TDG: variants seen among roughly 807,000 people sequenced by gnomAD.
The protein encoded by TDG is G/T mismatch-specific thymine DNA glycosylase.
A neutral mutation model predicts 46.1 loss-of-function variants in TDG; 23 were observed. The observed-to-expected ratio is 0.50, with a 90% CI of 0.36 to 0.71. The LOEUF is 0.71. TDG is among the 30% of genes least tolerant of loss of function. The pLI is 0.00. For missense variants in TDG, 304 were observed against 486.7 expected (o/e 0.62, Z 3.53); for synonymous variants, 115 against 161.3 (o/e 0.71, Z 2.18).
At chr12:103,973,337 G>T (rs185561430) in intron 1 of TDG, among the ~76,000 whole-genome samples, 1 of 152,210 alleles carries the variant, frequency 6.6e-6, no homozygotes, top group Non-Finnish European at 1.5e-5. Flanking sequence ...CGCCCGCCTT[G>T]ACCTCCCAAA....
intron 1 of TDG, among the ~76,000 whole-genome samples, chr12:103,968,739 G>A (rs931852557): frequency 2.6e-5 from 4 of 152,234 alleles, no homozygotes; most frequent in Admixed American, 6.5e-5. Context: ...AAATAAACAC[G>A]TGGGTTCCTG....
At chr12:103,979,109 C>CTTTTTTTTTTTTTTTTTTTT (rs372883902) in intron 2 of TDG, among the ~76,000 whole-genome samples, 2 of 123,604 alleles carry the variant, frequency 1.6e-5, no homozygotes, top group Admixed American at 9.5e-5. Context: ...TTTTTTCTTT[C>CTTTTTTTTTTTTTTTTTTTT]TTTTTTTTTT....
Position 103,983,157 on chromosome 12 carries a change from A to G in TDG, c.636A>G (p.Gly212=). The stretch of plus-strand genomic sequence containing the variant: ...TTAGTAAAGAATTTCGTGAAGGAGG[A>G]CGTATTCTAGTACAGAAATTACAGA... The part of the protein sequence containing the change: ...DLSSKEFREG[G]RILVQKLQKY... The change falls in exon 6 of 10, where the codon GGA becomes GGG. Residue 212 remains glycine, a synonymous_variant. Transcript: ENST00000392872. The G allele has an allele frequency of 6.2e-7, 1 of 1,607,024 alleles. No homozygotes were observed. Among genetic ancestry groups the G allele is most frequent in the Non-Finnish European group, 8.5e-7 (1 of 1,177,598 alleles).
At chr12:103,980,650 C>A (rs776670455) in intron 3 of TDG, 2 of 392,380 alleles carry the variant, frequency 5.1e-6, no homozygotes, top group Non-Finnish European at 9.1e-6. Context: ...GGCCTGGGAT[C>A]ATAAAGGAGT....
At chr12:103,966,132 C>A in intron 1 of TDG, 72 bp downstream of exon 1, 1 of 1,412,992 alleles carries the variant, frequency 7.1e-7, no homozygotes, top group Non-Finnish European at 9.3e-7. Context: ...CGCGCGCGCG[C>A]GCACGCAGGG....
At chr12:103,971,111 A>G (rs1038698583) in intron 1 of TDG, among the ~76,000 whole-genome samples, 4 of 152,230 alleles carry the variant, frequency 2.6e-5, no homozygotes, top group Non-Finnish European at 4.4e-5. Flanking sequence ...TTTTATATCA[A>G]GCGACTTGAG....
intron 1 of TDG, among the ~76,000 whole-genome samples, chr12:103,975,624 C>T (rs1397313822): frequency 6.6e-6 from 1 of 152,066 alleles, no homozygotes; most frequent in Non-Finnish European, 1.5e-5. Context: ...TAGCATTAAC[C>T]CACTCCTGAA....
At chr12:103,978,492 C>A (rs949629942) in intron 2 of TDG, among the ~76,000 whole-genome samples, 2 of 152,200 alleles carry the variant, frequency 1.3e-5, no homozygotes, top group South Asian at 4.1e-4. Flanking sequence ...AATAACTCTG[C>A]CTCCGCATTA....
intron 1 of TDG, among the ~76,000 whole-genome samples, chr12:103,970,788 T>C (rs1305674706): frequency 6.6e-6 from 1 of 151,956 alleles, no homozygotes; most frequent in Non-Finnish European, 1.5e-5. Flanking sequence ...ATAGCAAATC[T>C]GAATTAACTG....
At chr12:103,975,272 C>T (rs1271483592) in intron 1 of TDG, among the ~76,000 whole-genome samples, 1 of 152,158 alleles carries the variant, frequency 6.6e-6, no homozygotes, top group African/African-American at 2.4e-5. Flanking sequence ...AAATTTAAAT[C>T]GTGTTCAGAA....
intron 1 of TDG, among the ~76,000 whole-genome samples, chr12:103,974,567 C>T (rs1320545240): frequency 6.6e-6 from 1 of 152,176 alleles, no homozygotes; most frequent in Non-Finnish European, 1.5e-5. Context: ...AGACATAAGC[C>T]ACCGTGCCTG....
intron 1 of TDG, among the ~76,000 whole-genome samples, chr12:103,975,274 T>C (rs1871481279): frequency 6.6e-6 from 1 of 152,236 alleles, no homozygotes. Flanking sequence ...ATTTAAATCG[T>C]GTTCAGAAGA....
chr12:103,972,284 A>G (rs1025580304), intron 1 of TDG, among the ~76,000 whole-genome samples: 14 of 152,074 alleles, frequency 9.2e-5, no homozygotes, highest in African/African-American at 3.4e-4. Context: ...ACGCCTGACT[A>G]AGTTTTGTAT....
rs1310393590 is a variant in TDG at position 103,981,089 on chromosome 12, C to G, written c.478+127C>G. On this transcript the variant is annotated intron_variant, in intron 4 of 9. Coordinates refer to ENST00000392872, the MANE Select transcript of TDG (RefSeq NM_003211.6). The stretch of plus-strand genomic sequence containing the variant: ...TAAATACACATTCGTGTTTCATGTT[C>G]TGTGTGTGTGTCTGTACGTGAAAAT... 1.4e-5 allele frequency: 11 copies of G among 760,404 alleles called. No individual in the cohort carries two copies. In the East Asian group the frequency reaches 1.9e-4, roughly 13 times the overall value. The allele number at this position is 760,404 out of a possible 1,614,324, so 47.1% of individuals were successfully genotyped here.
chr12:103,979,660 C>G (rs809186), intron 2 of TDG, among the ~76,000 whole-genome samples, 171 bp from the exon 3 acceptor site: 1 of 151,914 alleles, frequency 6.6e-6, no homozygotes, highest in Non-Finnish European at 1.5e-5. Context: ...GAACCCAGTT[C>G]TAGGGAGAAA....
At chr12:103,966,109 G>A (rs887070247) in intron 1 of TDG, 49 bp downstream of exon 1, 18 of 1,494,906 alleles carry the variant, frequency 1.2e-5, no homozygotes, top group Admixed American at 9.5e-5. Flanking sequence ...TCACTGCTGG[G>A]CAGGCTGGCT....
intron 9 of TDG, 95 bp from the exon 10 acceptor site, chr12:103,986,853 C>G (rs769408133): frequency 2.3e-4 from 319 of 1,400,792 alleles, no homozygotes; most frequent in Middle Eastern, 1.8e-3. Context: ...CCACTGCATT[C>G]CAGCCTGGGC....
chr12:103,966,507 G>A (rs4135042), intron 1 of TDG, among the ~76,000 whole-genome samples: 13,393 of 152,092 alleles, frequency 0.088, 778 homozygotes, highest in East Asian at 0.31. Flanking sequence ...CACCCCAAAG[G>A]CCTACTGAAA....
Position 103,984,845 on chromosome 12 carries a change from G to A in TDG, c.889G>A (p.Asp297Asn). 6.2e-7 allele frequency: 1 copy of A among 1,613,680 alleles called. No individual in the cohort carries two copies. The highest frequency in any genetic ancestry group is 1.3e-5 in the African/African-American group (1 of 75,078). The change falls in exon 8 of 10, where the codon GAT (aspartate) becomes AAT (asparagine). Residue 297 changes from aspartate (D) to asparagine (N), a missense_variant. Physicochemically the swap from Asp to Asn is conservative, Grantham distance 23 (BLOSUM62 1). Coordinates refer to ENST00000392872, the MANE Select transcript of TDG (RefSeq NM_003211.6). The stretch of plus-strand genomic sequence containing the variant: ...CTACATAAAACTGAAGGACTTAAGA[G>A]ATCAGTTGAAAGGCATTGAACGAAA... ...HYYIKLKDLR[D>N]QLKGIERNMD...
Sources: allele counts gnomAD v4.1 joint callset (sites outside exome capture counted in the v4.1 genomes callset), GRCh38; gene constraint gnomAD v4.1.1; transcripts MANE v1.5; gene names NCBI Gene and HGNC (gene_info 2026-07-23, HGNC 2026-07-21).